The following RET variants were observed in gnomAD, a reference collection of about 807,000 sequenced individuals.
The protein encoded by RET is ret proto-oncogene.
RET carries 19 observed loss-of-function variants against 118.3 expected under a neutral mutation model. That is an observed-to-expected ratio of 0.16 (90% CI 0.11 to 0.24). The LOEUF (loss-of-function observed/expected upper bound fraction) is 0.24. Among genes scored for constraint, RET ranks in the 10% least tolerant of loss-of-function variants. RET has a pLI of 1.00. For synonymous variants in RET, 597 were observed against 644.1 expected (o/e 0.93, Z 1.11); for missense variants, 1,219 against 1,502.1 (o/e 0.81, Z 3.12).
chr10:43,103,211 G>C (rs1021819019), intron 3 of RET, among the ~76,000 whole-genome samples: 36 of 152,246 alleles, frequency 2.4e-4, no homozygotes, highest in African/African-American at 8.7e-4. Flanking sequence ...GAGGAACATG[G>C]GGAGCTATGG....
At chr10:43,089,558 C>T (rs1405934657) in intron 1 of RET, among the ~76,000 whole-genome samples, 2 of 152,190 alleles carry the variant, frequency 1.3e-5, no homozygotes, top group African/African-American at 4.8e-5. Context: ...AGTGCATGTC[C>T]GTTCTTTCTG....
At chr10:43,115,118 C>A (rs1246765134) in intron 11 of RET, among the ~76,000 whole-genome samples, 1 of 152,190 alleles carries the variant, frequency 6.6e-6, no homozygotes, top group Admixed American at 6.5e-5. Flanking sequence ...CCCGGCCAGG[C>A]AGGCCTCTGC....
rs745710576 is a variant in RET, at chr10:43,105,183, A to C, written c.857A>C (p.Lys286Thr). The C allele has an allele frequency of 1.2e-6, 2 of 1,612,752 alleles. No individual in the cohort carries two copies. Among genetic ancestry groups the C allele is most frequent in the Non-Finnish European group, 1.7e-6 (2 of 1,179,884 alleles). Residue 286 changes from lysine (K) to threonine (T), a missense_variant, in exon 4 of 20, where the codon AAG (lysine) becomes ACG (threonine). Around this residue, in one of 5 missense-constraint regions of RET, gnomAD observed 850 missense variants for 969.6 expected, o/e 0.88. Coordinates refer to ENST00000355710, the MANE Select transcript of RET (RefSeq NM_020975.6). ...VDTASAVVEF[K>T]RKEDTVVATL... ...ACCGCCAGCGCCGTGGTGGAGTTCA[A>C]GCGGAAGGAGGTGCTTGTCCGCGCG... is the stretch of plus-strand genomic sequence containing the variant.
At chr10:43,100,849 G>A in intron 2 of RET, 127 bp downstream of exon 2, 1 of 1,093,522 alleles carries the variant, frequency 9.1e-7, no homozygotes, top group Middle Eastern at 2.9e-4. Flanking sequence ...GAAGGCGTCA[G>A]GGGTTAAGTG....
In RET at chr10:43,121,963, A is replaced by G; in HGVS notation, c.2748A>G (p.Lys916=). 2 of 1,613,440 alleles carry G rather than the reference A, an allele frequency of 1.2e-6. No individual in the cohort carries two copies. The highest frequency in any genetic ancestry group is 1.7e-6 in the Non-Finnish European group (2 of 1,179,348). The change falls in exon 16 of 20, where the codon AAA becomes AAG. Residue 916 remains lysine (K), a synonymous_variant. Transcript: ENST00000355710. The part of the protein sequence containing the change: ...VKRSQGRIPV[K]WMAIESLFDH... ...CTCTTTAGGGTCGGATTCCAGTTAA[A>G]TGGATGGCAATTGAATCCCTTTTTG...
At chr10:43,127,344 A>C in intron 19 of RET, 1 of 1,066,638 alleles carries the variant, frequency 9.4e-7, no homozygotes, top group East Asian at 5.1e-5. Flanking sequence ...CCTTTCCCTT[A>C]CCCACCTTCA....
Position 43,123,572 on chromosome 10 carries a change from G to A in RET, c.2802-99G>A, listed in dbSNP as rs1472702791. 5.9e-6 allele frequency: 9 copies of A among 1,512,896 alleles called. No individual in the cohort carries two copies. In the East Asian group the frequency reaches 1.8e-4, roughly 30 times the overall value. The allele number at this position is 1,512,896 out of a possible 1,614,324, so 93.7% of individuals were successfully genotyped here. ...AGCATCTGTGCTTGAAGCCGACAGG[G>A]TCAGCAGGTGCTTGGTGGTGGGGGT... On this transcript the variant is annotated intron_variant, in intron 16 of 19. Transcript: ENST00000355710.
At position 43,100,451 on chromosome 10, in the gene RET, T is replaced by G; in HGVS notation, c.74-8T>G. 1 of 1,613,490 alleles carries G rather than the reference T, an allele frequency of 6.2e-7. No homozygotes were observed. The highest frequency in any genetic ancestry group is 8.5e-7 in the Non-Finnish European group (1 of 1,179,966). On this transcript the variant is annotated splice_polypyrimidine_tract_variant and splice_region_variant and intron_variant, in intron 1 of 19. Coordinates refer to ENST00000355710, the MANE Select transcript of RET (RefSeq NM_020975.6). ...ACCATCCCTCACTCACTTCCCTACT[T>G]CCCACAGTGGCATTGGGCCTCTACT... is the stretch of plus-strand genomic sequence containing the variant.
chr10:43,103,879 T>G (rs1837696807), intron 3 of RET, among the ~76,000 whole-genome samples: 1 of 152,234 alleles, frequency 6.6e-6, no homozygotes, highest in Admixed American at 6.5e-5. Context: ...CTTGTGGAGT[T>G]GCCCCCGCCT....
At chr10:43,091,630 A>C (rs970618234) in intron 1 of RET, among the ~76,000 whole-genome samples, 2 of 135,776 alleles carry the variant, frequency 1.5e-5, no homozygotes, top group Admixed American at 7.5e-5. Flanking sequence ...GACTCCATAC[A>C]AAAAAAAAAA....
chr10:43,087,768 G>C (rs1390518321), intron 1 of RET, among the ~76,000 whole-genome samples: 2 of 152,180 alleles, frequency 1.3e-5, no homozygotes, highest in Admixed American at 6.5e-5. Flanking sequence ...GGCCCTGTGG[G>C]TCTTCACAGC....
At position 43,116,715 on chromosome 10, in the gene RET, C is replaced by T. The variant is rs370791179; in HGVS notation, c.2268C>T (p.Ala756=). 127 of 1,613,272 alleles carry T rather than the reference C, an allele frequency of 7.9e-5. 2 individuals are homozygous for T. The South Asian group carries it at 1.0e-3, about 13-fold the overall frequency. Residue 756 remains alanine, a synonymous_variant, in exon 12 of 20, where the codon GCC becomes GCT. Transcript: ENST00000355710. The part of the protein sequence containing the change: ...LKGRAGYTTV[A]VKMLKENASP... ...GCAGAGCAGGGTACACCACGGTGGC[C>T]GTGAAGATGCTGAAAGGTACCTGCC...
At chr10:43,108,908 T>C in intron 5 of RET, 123 bp from the exon 6 acceptor site, 2 of 931,312 alleles carry the variant, frequency 2.1e-6, no homozygotes, top group South Asian at 1.3e-5. Flanking sequence ...TGCATGGCAC[T>C]GTATGTGTGA....
At chr10:43,078,845 G>A (rs961992868) in intron 1 of RET, among the ~76,000 whole-genome samples, 14 of 152,322 alleles carry the variant, frequency 9.2e-5, no homozygotes, top group South Asian at 8.3e-4. Flanking sequence ...ACAGCTTCCC[G>A]AATCCAGAGA....
In RET at chr10:43,106,126, T is replaced by C. The variant is rs1837769265; in HGVS notation, c.868-250T>C. On this transcript the variant is annotated intron_variant, in intron 4 of 19. Coordinates refer to ENST00000355710, the MANE Select transcript of RET (RefSeq NM_020975.6). The surrounding 1 kb of genome is among the most constrained non-coding windows in gnomAD (Gnocchi z 5.1). Reference sequence around the variant, plus strand: ...CCTGGGCATCGGCTGTAATTCTCCTTATAAGAGGTCTGCATTGTACCTGTT... The same window carrying C: ...CCTGGGCATCGGCTGTAATTCTCCTCATAAGAGGTCTGCATTGTACCTGTT... Among the ~76,000 whole-genome samples the C allele has an allele frequency of 6.6e-6, 1 of 152,122 alleles. No homozygotes were observed. The highest frequency in any genetic ancestry group is 1.5e-5 in the Non-Finnish European group (1 of 68,010).
chr10:43,122,754 C>A (rs996389198), intron 16 of RET, among the ~76,000 whole-genome samples: 1 of 152,126 alleles, frequency 6.6e-6, no homozygotes, highest in African/African-American at 2.4e-5. Flanking sequence ...ATTACAGGCA[C>A]GTGCTACTTC....
chr10:43,086,001 C>G (rs1037902115), intron 1 of RET, among the ~76,000 whole-genome samples: 3 of 151,988 alleles, frequency 2.0e-5, no homozygotes, highest in East Asian at 1.9e-4. Context: ...GACCCTCAAG[C>G]CTTTTTTGTG....
intron 1 of RET, among the ~76,000 whole-genome samples, chr10:43,088,606 G>A (rs1213568057): frequency 6.6e-6 from 1 of 152,046 alleles, no homozygotes; most frequent in African/African-American, 2.4e-5. Context: ...TGAACTTCAT[G>A]TGCATTAATT....
intron 1 of RET, among the ~76,000 whole-genome samples, chr10:43,079,899 C>T (rs1837141541): frequency 6.6e-6 from 1 of 152,188 alleles, no homozygotes; most frequent in Non-Finnish European, 1.5e-5. Context: ...CCAGAGGCTT[C>T]ACCAGGTTCA....
Sources: allele counts gnomAD v4.1 joint callset (sites outside exome capture counted in the v4.1 genomes callset), GRCh38; gene constraint gnomAD v4.1.1; regional missense constraint gnomAD v4.1.1; non-coding constraint Gnocchi (gnomAD v3.1); transcripts MANE v1.5; gene names NCBI Gene and HGNC (gene_info 2026-07-23, HGNC 2026-07-21).